LRRC49: variants seen among roughly 807,000 people sequenced by gnomAD.
The protein encoded by LRRC49 is leucine-rich repeat-containing protein 49.
Under a neutral mutation model 83.3 loss-of-function variants are expected in LRRC49, and 50 were observed. The ratio of observed to expected loss-of-function variants is 0.60; its 90% CI spans 0.48 to 0.76. LRRC49 has a LOEUF of 0.76. LRRC49 is among the 30% of genes least tolerant of loss of function. The probability of loss-of-function intolerance (pLI) is 0.00; values close to 1 mark genes in which losing one functional copy is unlikely to be tolerated. For synonymous variants in LRRC49, 286 were observed against 283.3 expected (o/e 1.01, Z -0.10); for missense variants, 704 against 809.1 (o/e 0.87, Z 1.58).
chr15:71,001,411 A>G (rs2038249525), intron 11 of LRRC49, among the ~76,000 whole-genome samples: 1 of 152,084 alleles, frequency 6.6e-6, no homozygotes, highest in Non-Finnish European at 1.5e-5. Context: ...CCTCCATCAT[A>G]CTTACTGTTA....
chr15:70,953,859 A>T (rs1414914463), intron 8 of LRRC49, among the ~76,000 whole-genome samples: 3 of 151,758 alleles, frequency 2.0e-5, no homozygotes, highest in Non-Finnish European at 4.4e-5. Context: ...GCTTCAAAGG[A>T]GTGACCTTCA....
chr15:70,878,252 T>C (rs1007106977), intron 2 of LRRC49, among the ~76,000 whole-genome samples: 1 of 152,208 alleles, frequency 6.6e-6, no homozygotes, highest in Non-Finnish European at 1.5e-5. Context: ...TGTTAGCATA[T>C]AGAAATGAAG....
intron 11 of LRRC49, among the ~76,000 whole-genome samples, chr15:70,989,553 C>T (rs764438314): frequency 3.9e-4 from 59 of 152,080 alleles, no homozygotes; most frequent in Non-Finnish European, 6.6e-4. Context: ...TTTCAGTTTT[C>T]AACTTCTTTG....
At chr15:71,011,634 G>A (rs1263416687) in intron 13 of LRRC49, among the ~76,000 whole-genome samples, 1 of 152,016 alleles carries the variant, frequency 6.6e-6, no homozygotes, top group Non-Finnish European at 1.5e-5. Context: ...ATTGCTTGAG[G>A]TAGAATTAAA....
At chr15:70,906,734 T>C (rs1446958144) in intron 5 of LRRC49, among the ~76,000 whole-genome samples, 1 of 152,242 alleles carries the variant, frequency 6.6e-6, no homozygotes, top group Non-Finnish European at 1.5e-5. Flanking sequence ...GTCTTTTTGT[T>C]CTTTCAACTC....
intron 1 of LRRC49, chr15:70,893,218 A>G: frequency 1.0e-5 from 6 of 578,724 alleles, no homozygotes; most frequent in South Asian, 6.7e-5. Context: ...TGGCCAGTCA[A>G]TTCCTTTTTC....
At chr15:70,994,492 T>C (rs951251379) in intron 11 of LRRC49, among the ~76,000 whole-genome samples, 4 of 152,006 alleles carry the variant, frequency 2.6e-5, no homozygotes, top group African/African-American at 9.7e-5. Context: ...ATTTATTTAT[T>C]GAGACAGGGC....
Position 70,867,943 on chromosome 15 carries a change from C to T in LRRC49, c.-298-4965C>T, listed in dbSNP as rs188911458. Among the ~76,000 whole-genome samples the T allele has an allele frequency of 2.0e-5, 3 of 152,246 alleles. No individual in the cohort carries two copies. The East Asian group carries it at 5.8e-4, about 29-fold the overall frequency. Reference sequence around the variant, plus strand: ...TGCTCTGTACTCCTCTCTGTCATCTCTATTTTGACACATCGCAGATGCTCC... The same window carrying T: ...TGCTCTGTACTCCTCTCTGTCATCTTTATTTTGACACATCGCAGATGCTCC... On this transcript the variant is annotated intron_variant, in intron 1 of 16. Coordinates refer to the LRRC49 transcript ENST00000544974.
intron 14 of LRRC49, among the ~76,000 whole-genome samples, chr15:71,024,852 G>A (rs1453481800): frequency 6.6e-6 from 1 of 152,064 alleles, no homozygotes; most frequent in African/African-American, 2.4e-5. Flanking sequence ...GTTTAGAGAG[G>A]AACATAGCGA....
chr15:71,040,819 C>CAAA (rs57206118), intron 15 of LRRC49, among the ~76,000 whole-genome samples: 20 of 98,794 alleles, frequency 2.0e-4, no homozygotes, highest in South Asian at 7.3e-4. Context: ...GACTCCGTCT[C>CAAA]AAAAAAAAAA....
chr15:70,944,205 C>T (rs998298138), intron 8 of LRRC49, among the ~76,000 whole-genome samples: 1 of 152,122 alleles, frequency 6.6e-6, no homozygotes, highest in Non-Finnish European at 1.5e-5. Context: ...ATAACTGCAC[C>T]TTCTCCCCTC....
intron 1 of LRRC49, among the ~76,000 whole-genome samples, chr15:70,861,803 T>C (rs2032796731): frequency 6.6e-6 from 1 of 152,164 alleles, no homozygotes; most frequent in Admixed American, 6.5e-5. Context: ...TGTGCGCCTG[T>C]AGTCCTAGCT....
intron 8 of LRRC49, 113 bp from the exon 9 acceptor site, chr15:70,963,672 A>G (rs985738760): frequency 1.2e-5 from 15 of 1,211,324 alleles, no homozygotes; most frequent in Admixed American, 4.3e-5. Flanking sequence ...ACTCTGTACT[A>G]TCTTCTCAAT....
chr15:71,017,350 A>G (rs1400295384), intron 14 of LRRC49, among the ~76,000 whole-genome samples: 2 of 152,208 alleles, frequency 1.3e-5, no homozygotes, highest in Admixed American at 6.5e-5. Flanking sequence ...AAAATGTTCT[A>G]CTATACTTTC....
At chr15:70,989,990 A>C (rs2141237343) in intron 11 of LRRC49, among the ~76,000 whole-genome samples, 1 of 152,050 alleles carries the variant, frequency 6.6e-6, no homozygotes, top group East Asian at 1.9e-4. Flanking sequence ...GTTCCTCTTG[A>C]AGTTTTGTCT....
At chr15:70,959,083 GAATA>G (rs1231603273) in intron 8 of LRRC49, among the ~76,000 whole-genome samples, 1 of 152,164 alleles carries the variant, frequency 6.6e-6, no homozygotes, top group Non-Finnish European at 1.5e-5. Context: ...TTTAGTGCCT[GAATA>G]AATAAAGTAT....
chr15:70,958,300 A>G (rs963245145), intron 8 of LRRC49, among the ~76,000 whole-genome samples: 1 of 152,180 alleles, frequency 6.6e-6, no homozygotes, highest in South Asian at 2.1e-4. Context: ...TTTCTAAAAT[A>G]CTATTCTGAT....
chr15:70,989,860 TCA>T, intron 11 of LRRC49, among the ~76,000 whole-genome samples: 1 of 152,212 alleles, frequency 6.6e-6, no homozygotes, highest in Non-Finnish European at 1.5e-5. Context: ...GACAGGACCC[TCA>T]GCTGCAGGTT....
chr15:70,885,404 A>G (rs149774560), intron 2 of LRRC49, among the ~76,000 whole-genome samples: 1,892 of 152,330 alleles, frequency 0.012, 41 homozygotes, highest in African/African-American at 0.042. Context: ...CTATTTATCA[A>G]AATAAAAACA....
Sources: allele counts gnomAD v4.1 joint callset (sites outside exome capture counted in the v4.1 genomes callset), GRCh38; gene constraint gnomAD v4.1.1; transcripts MANE v1.5; gene names NCBI Gene and HGNC (gene_info 2026-07-23, HGNC 2026-07-21).